Variants in MAD1L1 observed in about 807,000 individuals in gnomAD.
The protein encoded by MAD1L1 is mitotic spindle assembly checkpoint protein MAD1.
A neutral mutation model predicts 96.9 loss-of-function variants in MAD1L1; 95 were observed. That is an observed-to-expected ratio of 0.98 (90% confidence interval 0.83 to 1.16). The LOEUF (loss-of-function observed/expected upper bound fraction) is 1.16. Ranked by LOEUF, MAD1L1 falls within the 50% of genes most tolerant of loss-of-function variation. The pLI, the probability that MAD1L1 is intolerant of heterozygous loss-of-function variation, is 0.00. For synonymous variants in MAD1L1, 473 were observed against 396.6 expected (o/e 1.19, Z -2.29); for missense variants, 1,007 against 954.4 (o/e 1.06, Z -0.73).
At chr7:2,231,675 T>G (rs1202410684) in intron 1 of MAD1L1, among the ~76,000 whole-genome samples, 1 of 152,082 alleles carries the variant, frequency 6.6e-6, no homozygotes, top group East Asian at 1.9e-4. Context: ...CATGCAACAG[T>G]GACAGTAAAG....
At chr7:2,098,471 C>A (rs574768851) in intron 11 of MAD1L1, among the ~76,000 whole-genome samples, 1 of 152,332 alleles carries the variant, frequency 6.6e-6, no homozygotes, top group Admixed American at 6.5e-5. Context: ...GGGTCCCTCT[C>A]CCCTGCTGCC....
At chr7:2,184,171 G>A (rs1791346873) in intron 10 of MAD1L1, among the ~76,000 whole-genome samples, 1 of 152,074 alleles carries the variant, frequency 6.6e-6, no homozygotes, top group South Asian at 2.1e-4. Context: ...AGAATGGCAT[G>A]AATCCGGGAG....
intron 18 of MAD1L1, among the ~76,000 whole-genome samples, chr7:1,869,798 G>A (rs1004980124): frequency 4.6e-5 from 7 of 152,188 alleles, no homozygotes; most frequent in Non-Finnish European, 1.0e-4. Flanking sequence ...CCCTGCAGGA[G>A]GTGATGCCAC....
intron 16 of MAD1L1, among the ~76,000 whole-genome samples, chr7:1,949,812 C>T (rs1034414368): frequency 2.6e-5 from 4 of 152,218 alleles, no homozygotes; most frequent in Admixed American, 6.5e-5. Flanking sequence ...ACTGGCACCC[C>T]GTGCGGGGCA....
intron 11 of MAD1L1, among the ~76,000 whole-genome samples, chr7:2,111,521 C>T (rs376293528): frequency 5.3e-5 from 8 of 152,304 alleles, no homozygotes; most frequent in African/African-American, 9.6e-5. Flanking sequence ...GGAAGCAAAA[C>T]GAAACCAGCT....
At chr7:1,901,626 G>A (rs1034808563) in intron 17 of MAD1L1, among the ~76,000 whole-genome samples, 12 of 152,362 alleles carry the variant, frequency 7.9e-5, no homozygotes, top group African/African-American at 2.9e-4. Flanking sequence ...TGCTGGGCCA[G>A]GGGTGCTCAG....
intron 18 of MAD1L1, among the ~76,000 whole-genome samples, chr7:1,890,495 G>A (rs1161032385): frequency 6.6e-6 from 1 of 152,220 alleles, no homozygotes; most frequent in African/African-American, 2.4e-5. Context: ...CTCACCAGGT[G>A]CACACGTGCC....
intron 15 of MAD1L1, among the ~76,000 whole-genome samples, chr7:1,966,561 A>AAAAAAAAC (rs1780174814): frequency 2.0e-5 from 1 of 50,556 alleles, no homozygotes; most frequent in African/African-American, 7.6e-5. Context: ...CAAACTTGGC[A>AAAAAAAAC]AAAAAAAAAA....
intron 17 of MAD1L1, among the ~76,000 whole-genome samples, chr7:1,910,388 A>G (rs1021995659): frequency 4.6e-5 from 7 of 152,216 alleles, no homozygotes; most frequent in Non-Finnish European, 8.8e-5. Flanking sequence ...GGCCAGCAAC[A>G]GGACTACAGG....
chr7:2,118,939 G>T (rs1469307392), intron 11 of MAD1L1, among the ~76,000 whole-genome samples: 1 of 152,164 alleles, frequency 6.6e-6, no homozygotes, highest in African/African-American at 2.4e-5. Context: ...TTGACCTGCA[G>T]TGCAGACCTG....
chr7:2,065,216 C>T (rs976695660), intron 12 of MAD1L1, among the ~76,000 whole-genome samples: 54 of 152,250 alleles, frequency 3.5e-4, no homozygotes, highest in Non-Finnish European at 5.1e-4. Flanking sequence ...CCCCCGCCTT[C>T]TTGGGCCCAG....
intron 1 of MAD1L1, among the ~76,000 whole-genome samples, chr7:2,232,413 G>A (rs1293235881): frequency 2.0e-5 from 3 of 152,232 alleles, no homozygotes; most frequent in Non-Finnish European, 4.4e-5. Flanking sequence ...CTTCCTGAGA[G>A]CGGACCGGCG....
At chr7:2,232,119 C>A (rs1489743387) in intron 1 of MAD1L1, among the ~76,000 whole-genome samples, 2 of 152,232 alleles carry the variant, frequency 1.3e-5, no homozygotes, top group Admixed American at 1.3e-4. Context: ...CCAACACCGG[C>A]GCTTACTATG....
intron 11 of MAD1L1, among the ~76,000 whole-genome samples, chr7:2,075,484 T>C (rs1471780502): frequency 6.6e-6 from 1 of 152,100 alleles, no homozygotes; most frequent in Non-Finnish European, 1.5e-5. Context: ...AAATTAAGCC[T>C]CTAGTTCCAT....
At position 1,923,674 on chromosome 7, in the gene MAD1L1, A is replaced by C. The variant is rs868196675; in HGVS notation, c.1807+13013T>G. Among the ~76,000 whole-genome samples, 7 of 152,364 alleles carry C rather than the reference A, an allele frequency of 4.6e-5. 1 individual carries two copies. In the Middle Eastern group the frequency reaches 0.014, roughly 296 times the overall value. Reference sequence around the variant, plus strand: ...GAAGGCGGCTGTGGCCGTGGGACTGACTGCACAGCACAGTGGGCAAGCCTT... The same window carrying C: ...GAAGGCGGCTGTGGCCGTGGGACTGCCTGCACAGCACAGTGGGCAAGCCTT... On this transcript the variant is annotated intron_variant, in intron 17 of 18. Transcript: ENST00000265854.
chr7:2,158,529 G>A (rs559881273), intron 10 of MAD1L1, among the ~76,000 whole-genome samples: 15 of 152,208 alleles, frequency 9.9e-5, no homozygotes, highest in Admixed American at 2.6e-4. Context: ...CAACCCAAGC[G>A]ACACAGGCTG....
intron 11 of MAD1L1, among the ~76,000 whole-genome samples, chr7:2,078,376 G>A (rs1785479098): frequency 6.6e-6 from 1 of 152,240 alleles, no homozygotes; most frequent in Non-Finnish European, 1.5e-5. Flanking sequence ...CGAATGGGCA[G>A]GGGAGGACTG....
chr7:2,033,790 C>T (rs148900997), intron 12 of MAD1L1, among the ~76,000 whole-genome samples: 1,980 of 152,318 alleles, frequency 0.013, 32 homozygotes, highest in African/African-American at 0.045. Context: ...GGTGTTCACA[C>T]CCTTCCACTC....
At position 2,050,424 on chromosome 7, in the gene MAD1L1, G is replaced by A. The variant is rs577529095; in HGVS notation, c.1218+18770C>T. Among the ~76,000 whole-genome samples, 455 of 152,348 alleles carry A rather than the reference G, an allele frequency of 3.0e-3. 1 individual carries two copies. Among genetic ancestry groups the A allele is most frequent in the African/African-American group, 0.01 (428 of 41,586 alleles). On this transcript the variant is annotated intron_variant, in intron 12 of 18. Coordinates refer to ENST00000265854, the MANE Select transcript of MAD1L1 (RefSeq NM_001013836.2). Reference sequence around the variant, plus strand: ...GGAAGCACCAGGCTGAGGGTGGTGAGCCAGGGGGTTCCTGGGCCGCCTCCA... The same window carrying A: ...GGAAGCACCAGGCTGAGGGTGGTGAACCAGGGGGTTCCTGGGCCGCCTCCA...
Sources: gnomAD v4.1 joint callset for allele counts (sites outside exome capture counted in the v4.1 genomes callset) on GRCh38, gnomAD v4.1.1 for gene constraint, MANE v1.5 for transcripts, NCBI Gene and HGNC (gene_info 2026-07-23, HGNC 2026-07-21) for gene names.